MTUS2: variants seen among roughly 807,000 people sequenced by gnomAD.
MTUS2 encodes microtubule-associated tumor suppressor candidate 2.
In MTUS2, 40 loss-of-function variants were observed where a neutral mutation model predicts 114.1. That is an observed-to-expected ratio of 0.35 (90% CI 0.27 to 0.46). The LOEUF (loss-of-function observed/expected upper bound fraction) is 0.46, where lower values mean the gene tolerates loss of function less well. MTUS2 is among the 20% of genes least tolerant of loss of function. The probability of loss-of-function intolerance (pLI) is 1.00; values close to 1 mark genes in which losing one functional copy is unlikely to be tolerated. For synonymous variants in MTUS2, 688 were observed against 672.0 expected (o/e 1.02, Z -0.37); for missense variants, 1,679 against 1,705.4 (o/e 0.98, Z 0.27).
intron 5 of MTUS2, among the ~76,000 whole-genome samples, chr13:29,236,454 A>G (rs1330502659): frequency 2.6e-5 from 4 of 152,242 alleles, no homozygotes; most frequent in Non-Finnish European, 5.9e-5. Context: ...GCAAGAACCT[A>G]GAAAGCTGGA....
chr13:29,050,937 G>GAGAGAGGA (rs1273983815), intron 4 of MTUS2, among the ~76,000 whole-genome samples: 3 of 152,232 alleles, frequency 2.0e-5, no homozygotes, highest in Non-Finnish European at 2.9e-5. Context: ...GGAGGAGAGT[G>GAGAGAGGA]AGAGAGGAAG....
At chr13:29,314,100 G>A (rs1475345884) in intron 6 of MTUS2, among the ~76,000 whole-genome samples, 2 of 152,116 alleles carry the variant, frequency 1.3e-5, no homozygotes, top group Admixed American at 1.3e-4. Flanking sequence ...GAAGGCATAG[G>A]AACCTGAAGT....
At chr13:28,925,172 A>G (rs1428292764) in intron 2 of MTUS2, among the ~76,000 whole-genome samples, 1 of 152,264 alleles carries the variant, frequency 6.6e-6, no homozygotes, top group East Asian at 1.9e-4. Flanking sequence ...TAGAATTGGA[A>G]TGTTGCTCTT....
chr13:29,058,637 T>A (rs1888260194), intron 4 of MTUS2, among the ~76,000 whole-genome samples: 1 of 151,158 alleles, frequency 6.6e-6, no homozygotes, highest in Non-Finnish European at 1.5e-5. Flanking sequence ...TACATGTGCA[T>A]GTGCCATGTT....
intron 2 of MTUS2, among the ~76,000 whole-genome samples, chr13:28,991,024 C>T (rs1322523068): frequency 2.7e-5 from 4 of 150,828 alleles, no homozygotes; most frequent in African/African-American, 9.7e-5. Context: ...GGAATAAATT[C>T]CGGACACAAG....
intron 5 of MTUS2, among the ~76,000 whole-genome samples, chr13:29,137,208 G>A (rs1892015885): frequency 1.3e-5 from 2 of 152,100 alleles, no homozygotes; most frequent in Admixed American, 6.6e-5. Context: ...TGTTTCTGAT[G>A]TGAAATCTGC....
intron 5 of MTUS2, among the ~76,000 whole-genome samples, chr13:29,258,796 T>G (rs952074143): frequency 3.9e-5 from 6 of 152,192 alleles, no homozygotes; most frequent in Non-Finnish European, 7.3e-5. Context: ...ACTCTTTCCT[T>G]TCTGTGTATA....
At chr13:29,375,559 G>A (rs565117975) in intron 8 of MTUS2, among the ~76,000 whole-genome samples, 1 of 3,368 alleles carries the variant, frequency 3.0e-4, no homozygotes, top group African/African-American at 1.1e-3. Context: ...ATATATATAC[G>A]TATATATATA....
In MTUS2 at chr13:29,380,886, G is replaced by A. The variant is rs1872148411; in HGVS notation, c.3117+21413G>A. 1.6e-5 allele frequency among the ~76,000 whole-genome samples: 2 copies of A among 126,856 alleles called. 1 individual carries two copies. Among genetic ancestry groups the A allele is most frequent in the Non-Finnish European group, 3.3e-5 (2 of 60,016 alleles). 83.2% of individuals were successfully genotyped at this position (126,856 alleles called of 152,430 possible). A position where few individuals can be genotyped will look rare whatever the true frequency, so the allele number is the denominator to read the frequency against. On this transcript the variant is annotated intron_variant, in intron 8 of 15. Coordinates refer to ENST00000612955, the MANE Select transcript of MTUS2 (RefSeq NM_001033602.4). ...AGCCGAGATTGCGCCACTGCAGTCC[G>A]CAGTCTGGCCTGGGCGACAGAGCGA...
intron 9 of MTUS2, among the ~76,000 whole-genome samples, chr13:29,460,084 G>T (rs1197416390): frequency 6.6e-6 from 1 of 152,150 alleles, no homozygotes; most frequent in East Asian, 1.9e-4. Context: ...GAGCATAAAT[G>T]CATAGTTTCT....
intron 5 of MTUS2, among the ~76,000 whole-genome samples, chr13:29,157,264 A>G (rs563707170): frequency 5.9e-5 from 9 of 152,270 alleles, no homozygotes; most frequent in African/African-American, 2.2e-4. Context: ...GCACACCTCT[A>G]CCACTAGTAG....
intron 4 of MTUS2, among the ~76,000 whole-genome samples, chr13:29,066,819 CAT>C (rs1281354672): frequency 4.6e-5 from 7 of 152,352 alleles, no homozygotes; most frequent in African/African-American, 1.7e-4. Context: ...TTGATGGAGA[CAT>C]GTGCAGAATG....
In MTUS2 at chr13:29,389,393, G is replaced by GTGTGTGTA. The variant is rs1566172791; in HGVS notation, c.3117+29923_3117+29924insGTGTATGT. Among the ~76,000 whole-genome samples, 74 of 79,368 alleles carry GTGTGTGTA rather than the reference G, an allele frequency of 9.3e-4. 2 individuals carry two copies. Among genetic ancestry groups the GTGTGTGTA allele is most frequent in the Admixed American group, 1.6e-3 (13 of 8,142 alleles). 52.1% of individuals were successfully genotyped at this position (79,368 alleles called of 152,430 possible). ...TGTGTGTATATATGTATACACGTGT[G>GTGTGTGTA]TGTATATATGTATACACGTGTGTGT... On this transcript the variant is annotated intron_variant, in intron 8 of 15. Transcript: ENST00000612955.
intron 5 of MTUS2, among the ~76,000 whole-genome samples, chr13:29,274,057 A>G (rs572672694): frequency 6.6e-6 from 1 of 152,268 alleles, no homozygotes; most frequent in Admixed American, 6.5e-5. Context: ...GAACTGGTAA[A>G]TCACATGGTA....
chr13:29,400,864 G>A (rs1414621742), intron 8 of MTUS2, among the ~76,000 whole-genome samples: 1 of 152,190 alleles, frequency 6.6e-6, no homozygotes, highest in East Asian at 1.9e-4. Context: ...AAGAGAGAAA[G>A]CACTTCCCAT....
chr13:29,376,754 AT>A (rs1359501696), intron 8 of MTUS2, among the ~76,000 whole-genome samples: 1 of 152,216 alleles, frequency 6.6e-6, no homozygotes, highest in African/African-American at 2.4e-5. Flanking sequence ...GCCCAATGTT[AT>A]CTGCTGCTTT....
At chr13:28,835,284 A>C (rs558244021) in intron 1 of MTUS2, among the ~76,000 whole-genome samples, 2 of 152,250 alleles carry the variant, frequency 1.3e-5, no homozygotes, top group Non-Finnish European at 2.9e-5. Flanking sequence ...TAGATAAATA[A>C]GATATGGCTT....
chr13:29,173,292 G>GTAAGTC (rs2139127152), intron 5 of MTUS2, among the ~76,000 whole-genome samples: 1 of 152,270 alleles, frequency 6.6e-6, no homozygotes, highest in Admixed American at 6.5e-5. Flanking sequence ...CCCAGGTTAT[G>GTAAGTC]TAAGTCATGA....
intron 5 of MTUS2, among the ~76,000 whole-genome samples, chr13:29,176,395 C>A (rs765008713): frequency 5.3e-5 from 8 of 152,170 alleles, no homozygotes. Flanking sequence ...ATTGTCCCGG[C>A]ACTCCCTACT....
Sources: allele counts gnomAD v4.1 joint callset (sites outside exome capture counted in the v4.1 genomes callset), GRCh38; gene constraint gnomAD v4.1.1; transcripts MANE v1.5; gene names NCBI Gene and HGNC (gene_info 2026-07-23, HGNC 2026-07-21).